Variants in TP53I11 observed in about 807,000 individuals in gnomAD.
The protein encoded by TP53I11 is tumor protein p53 inducible protein 11.
Under a neutral mutation model 23.3 loss-of-function variants are expected in TP53I11, and 9 were observed. The ratio of observed to expected loss-of-function variants is 0.39; its 90% CI spans 0.23 to 0.67. The LOEUF is 0.67. Ranked by LOEUF, TP53I11 falls within the 30% of genes least tolerant of loss-of-function variation. The pLI, the probability that TP53I11 is intolerant of heterozygous loss-of-function variation, is 0.48. For missense variants in TP53I11, 170 were observed against 255.2 expected (o/e 0.67, Z 2.27); for synonymous variants, 100 against 106.1 (o/e 0.94, Z 0.35).
In TP53I11 at chr11:44,934,775, G is replaced by T. The variant is rs183057824; in HGVS notation, c.*109C>A. On this transcript the variant is annotated 3_prime_UTR_variant, in exon 7 of 7. Coordinates refer to ENST00000525680, the MANE Select transcript of TP53I11 (RefSeq NM_006034.5). ...CCCACCCCCTGCCTCCCTGGGGCAG[G>T]ACTGGGGCAGGGCAGGGGACCCTCC... 78 of 1,485,518 alleles carry T rather than the reference G, an allele frequency of 5.3e-5. No homozygotes were observed. The highest frequency in any genetic ancestry group is 6.9e-5 in the Non-Finnish European group (76 of 1,098,014). The allele number at this position is 1,485,518 out of a possible 1,614,324, so 92.0% of individuals were successfully genotyped here.
In TP53I11 at chr11:44,934,952, G is replaced by A. The variant is rs150540503; in HGVS notation, c.502C>T (p.Arg168Cys). 2.8e-5 allele frequency: 46 copies of A among 1,614,094 alleles called. No individual in the cohort carries two copies. The highest frequency in any genetic ancestry group is 4.0e-5 in the African/African-American group (3 of 75,060). Residue 168 changes from arginine (R) to cysteine (C), a missense_variant, in exon 7 of 7, where the codon CGC becomes TGC. Coordinates refer to ENST00000525680, the MANE Select transcript of TP53I11 (RefSeq NM_006034.5). The part of the protein sequence containing the change: ...SLGILLLLVS[R>C]LLFVVISIYY... Reference sequence around the variant, plus strand: ...ATGCTGATGACGACAAAAAGGAGGCGGCTGACCAGGAGCAGCAGGATCCCC... The same window carrying A: ...ATGCTGATGACGACAAAAAGGAGGCAGCTGACCAGGAGCAGCAGGATCCCC...
chr11:44,950,284 C>T (rs1862816883), intron 1 of TP53I11: 1 of 152,270 alleles, frequency 6.6e-6, no homozygotes, highest in Non-Finnish European at 1.5e-5. Context: ...ACTGCTTTCG[C>T]TCCGTTTCTC....
chr11:44,948,385 T>C (rs1862593160), intron 1 of TP53I11, among the ~76,000 whole-genome samples: 1 of 152,104 alleles, frequency 6.6e-6, no homozygotes, highest in African/African-American at 2.4e-5. Context: ...TGGGCTGTGC[T>C]CTAGCTGTCT....
chr11:44,938,332 C>CCATCTTCTCCTCCAGCCCGG lies in TP53I11; in HGVS notation c.-17_3dup (p.Ala2ProfsTer15). The CCATCTTCTCCTCCAGCCCGG allele has an allele frequency of 6.3e-7, 1 of 1,599,106 alleles. No individual in the cohort carries two copies. ...ATCAGAGGCGGGGGCTGCTTGGCCGCCATCTTCTCCTCCAGCCCGGCCTCT... is the reference window on the plus strand; with the variant it reads ...ATCAGAGGCGGGGGCTGCTTGGCCGCCATCTTCTCCTCCAGCCCGGCATCTTCTCCTCCAGCCCGGCCTCT... On this transcript the variant is annotated frameshift_variant, in exon 2 of 7. Coordinates refer to ENST00000525680, the MANE Select transcript of TP53I11 (RefSeq NM_006034.5). LOFTEE classifies it high-confidence loss of function.
At chr11:44,941,295 C>T (rs1400637759) in intron 1 of TP53I11, among the ~76,000 whole-genome samples, 4 of 152,132 alleles carry the variant, frequency 2.6e-5, no homozygotes, top group Admixed American at 1.3e-4. Context: ...CTCTGAGCTC[C>T]GGGGTCCTCA....
intron 1 of TP53I11, among the ~76,000 whole-genome samples, chr11:44,939,583 C>T (rs1262922658): frequency 1.3e-5 from 2 of 152,214 alleles, no homozygotes; most frequent in Non-Finnish European, 2.9e-5. Context: ...CGGGGATGTC[C>T]CCGGGTCACC....
intron 1 of TP53I11, among the ~76,000 whole-genome samples, chr11:44,943,686 C>T (rs1192194274): frequency 6.6e-6 from 1 of 152,208 alleles, no homozygotes; most frequent in Non-Finnish European, 1.5e-5. Context: ...CCTCATCCTC[C>T]TCTGGACTCT....
At position 44,938,238 on chromosome 11, in the gene TP53I11, T is replaced by C. The variant is rs1445843793; in HGVS notation, c.98A>G (p.Glu33Gly). ...GCGATGCACCTCCCCGTCGTCATCC[T>C]CCCCGCCCACGCCGAGGATCTTGCG... ...KTRKILGVGG[E>G]DDDGEVHRSK... Residue 33 changes from glutamate (E) to glycine (G), a missense_variant, in exon 2 of 7, where the codon GAG becomes GGG. Transcript: ENST00000525680. 1 of 1,613,022 alleles carries C rather than the reference T, an allele frequency of 6.2e-7. No homozygotes were observed. Among genetic ancestry groups the C allele is most frequent in the Non-Finnish European group, 8.5e-7 (1 of 1,179,716 alleles).
intron 1 of TP53I11, among the ~76,000 whole-genome samples, chr11:44,942,050 A>G (rs1209485386): frequency 1.1e-4 from 13 of 120,782 alleles, no homozygotes; most frequent in Non-Finnish European, 5.3e-5. Flanking sequence ...CATACACACC[A>G]CACACACCAC....
Position 44,937,270 on chromosome 11 carries a change from G to T in TP53I11, c.237+34C>A, listed in dbSNP as rs745412984. On this transcript the variant is annotated intron_variant, in intron 4 of 6. Transcript: ENST00000525680. ...GAGAAGGGCTGAGGGAGCCACACGGGGCCAGATCTCAGGGGCTGGGGGTGG... is the reference window on the plus strand; with the variant it reads ...GAGAAGGGCTGAGGGAGCCACACGGTGCCAGATCTCAGGGGCTGGGGGTGG... 9 of 1,534,690 alleles carry T rather than the reference G, an allele frequency of 5.9e-6. No individual in the cohort carries two copies. In the African/African-American group the frequency reaches 1.1e-4, roughly 19 times the overall value.
rs775870395 is a variant in TP53I11 at position 44,936,672 on chromosome 11, G to A, written c.334+131C>T. 43 of 1,369,216 alleles carry A rather than the reference G, an allele frequency of 3.1e-5. No individual in the cohort carries two copies. Among genetic ancestry groups the A allele is most frequent in the African/African-American group, 1.4e-4 (9 of 66,070 alleles). 84.8% of individuals were successfully genotyped at this position (1,369,216 alleles called of 1,614,324 possible). On this transcript the variant is annotated intron_variant, in intron 5 of 6. Coordinates refer to ENST00000525680, the MANE Select transcript of TP53I11 (RefSeq NM_006034.5). The surrounding 1 kb of genome is among the most constrained non-coding windows in gnomAD (Gnocchi z 4.4). ...CCAGCAGAGAGCTTCATCAGAGGCC[G>A]GGGTGTGGGCGCAGCATCTGGCCGA...
chr11:44,935,837 G>GGA, intron 5 of TP53I11, 175 bp from the exon 6 acceptor site: 1 of 613,024 alleles, frequency 1.6e-6, no homozygotes, highest in Non-Finnish European at 2.9e-6. Context: ...CCCCGATCCT[G>GGA]TCCCCTCCAG....
chr11:44,942,232 C>CACACA (rs879873634), intron 1 of TP53I11, among the ~76,000 whole-genome samples: 1 of 139,200 alleles, frequency 7.2e-6, no homozygotes. Flanking sequence ...CACACACCTA[C>CACACA]CACACACCAC....
Position 44,936,194 on chromosome 11 carries a change from G to T in TP53I11, c.335-532C>A. On this transcript the variant is annotated intron_variant, in intron 5 of 6. Transcript: ENST00000525680. This position sits in a 1 kb window ranked among gnomAD's most constrained non-coding sequence, Gnocchi z 4.4. ...CTCTAGCAGGCCCCGCCCACCCAGT[G>T]TCTGCTGGTACCAGACATGCCACTG... is the stretch of plus-strand genomic sequence containing the variant. 1 of 1,018,142 alleles carries T rather than the reference G, an allele frequency of 9.8e-7. No homozygotes were observed. Among genetic ancestry groups the T allele is most frequent in the Non-Finnish European group, 1.2e-6 (1 of 852,068 alleles). The allele number at this position is 1,018,142 out of a possible 1,614,324, so 63.1% of individuals were successfully genotyped here.
Position 44,932,963 on chromosome 11 carries a change from C to T in TP53I11, c.*1921G>A, listed in dbSNP as rs17722834. 4,144 of 152,372 alleles carry T rather than the reference C, an allele frequency of 0.027. 83 individuals are homozygous for T. The highest frequency in any genetic ancestry group is 0.04 in the Non-Finnish European group (2,743 of 68,072). 9.4% of individuals were successfully genotyped at this position (152,372 alleles called of 1,614,324 possible). ...AACCATCACTATTAGAGGATTAGGC[C>T]TGGCTCAGATGGGGGATTGAGGCTT... On this transcript the variant is annotated 3_prime_UTR_variant, in exon 7 of 7. Transcript: ENST00000525680.
Position 44,936,208 on chromosome 11 carries a change from G to A in TP53I11, c.335-546C>T. The A allele has an allele frequency of 9.8e-7, 1 of 1,022,970 alleles. No individual in the cohort carries two copies. Among genetic ancestry groups the A allele is most frequent in the Non-Finnish European group, 1.2e-6 (1 of 855,520 alleles). The allele number at this position is 1,022,970 out of a possible 1,614,324, so 63.4% of individuals were successfully genotyped here. On this transcript the variant is annotated intron_variant, in intron 5 of 6. Coordinates refer to ENST00000525680, the MANE Select transcript of TP53I11 (RefSeq NM_006034.5). This position sits in a 1 kb window ranked among gnomAD's most constrained non-coding sequence, Gnocchi z 4.4. Reference sequence around the variant, plus strand: ...GCCCACCCAGTGTCTGCTGGTACCAGACATGCCACTGGGTGTGCATTTATT... The same window carrying A: ...GCCCACCCAGTGTCTGCTGGTACCAAACATGCCACTGGGTGTGCATTTATT...
chr11:44,937,417 C>A (rs1316785507), intron 3 of TP53I11, 65 bp from the exon 4 acceptor site: 1 of 1,488,796 alleles, frequency 6.7e-7, no homozygotes, highest in Admixed American at 2.3e-5. Flanking sequence ...CAGCCCAGAT[C>A]CCCAGGGATG....
In TP53I11 at chr11:44,934,589, A is replaced by C; in HGVS notation, c.*295T>G. On this transcript the variant is annotated 3_prime_UTR_variant, in exon 7 of 7. Coordinates refer to ENST00000525680, the MANE Select transcript of TP53I11 (RefSeq NM_006034.5). ...TCCAGCCTGACTTTAGTCAGTGTCT[A>C]TTGAGGGGGTCTGGAGGCCAAGAGA... The C allele has an allele frequency of 2.7e-6, 1 of 369,346 alleles. No homozygotes were observed. The highest frequency in any genetic ancestry group is 3.0e-5 in the South Asian group (1 of 32,938). 22.9% of individuals were successfully genotyped at this position (369,346 alleles called of 1,614,324 possible).
At chr11:44,935,876 T>C (rs1861052512) in intron 5 of TP53I11, 2 of 594,222 alleles carry the variant, frequency 3.4e-6, no homozygotes, top group Non-Finnish European at 6.0e-6. Context: ...AGCCTGCTCC[T>C]GTCATTCCAA....
Sources: allele counts gnomAD v4.1 joint callset (sites outside exome capture counted in the v4.1 genomes callset), GRCh38; gene constraint gnomAD v4.1.1; non-coding constraint Gnocchi (gnomAD v3.1); transcripts MANE v1.5; gene names NCBI Gene and HGNC (gene_info 2026-07-23, HGNC 2026-07-21).